The following ASAP1 variants were observed in gnomAD, a reference collection of about 807,000 sequenced individuals.
ASAP1 encodes the protein ArfGAP with SH3 domain, ankyrin repeat and PH domain 1, also known as arf-GAP with SH3 domain, ANK repeat and PH domain-containing protein 1.
ASAP1 carries 43 observed loss-of-function variants against 145.2 expected under a neutral mutation model. That is an observed-to-expected ratio of 0.30 (90% CI 0.23 to 0.38). ASAP1 has a LOEUF of 0.38. Among genes scored for constraint, ASAP1 ranks in the 10% least tolerant of loss-of-function variants. The pLI is 1.00. For missense variants in ASAP1, 1,018 were observed against 1,355.3 expected, an observed-to-expected ratio of 0.75 and a Z score of 3.91; for synonymous variants, 546 against 515.5, an observed-to-expected ratio of 1.06 and a Z score of -0.80.
intron 27 of ASAP1, among the ~76,000 whole-genome samples, chr8:130,072,627 T>G (rs2097449443): frequency 6.6e-6 from 1 of 151,538 alleles, no homozygotes; most frequent in African/African-American, 2.4e-5. Flanking sequence ...TACACATTTC[T>G]TTATCTGTAT....
chr8:130,234,985 G>A (rs1565119598), intron 4 of ASAP1, among the ~76,000 whole-genome samples: 1 of 152,118 alleles, frequency 6.6e-6, no homozygotes, highest in Admixed American at 6.6e-5. Context: ...CTATGTGGCA[G>A]GCAGTGTATT....
intron 1 of ASAP1, among the ~76,000 whole-genome samples, chr8:130,430,553 G>A (rs775544691): frequency 1.3e-5 from 2 of 152,204 alleles, no homozygotes; most frequent in East Asian, 1.9e-4. Context: ...TGGGGATGGA[G>A]ACTGAAGCTT....
intron 3 of ASAP1, among the ~76,000 whole-genome samples, chr8:130,297,731 C>T (rs572527247): frequency 9.9e-5 from 15 of 152,190 alleles, no homozygotes; most frequent in African/African-American, 3.1e-4. Context: ...AGCGGGGGGG[C>T]GGGGAGCAGA....
At chr8:130,066,843 C>T (rs1302515859) in intron 27 of ASAP1, among the ~76,000 whole-genome samples, 2 of 152,294 alleles carry the variant, frequency 1.3e-5, no homozygotes, top group Non-Finnish European at 2.9e-5. Flanking sequence ...AGACTGAGGG[C>T]CACTGCCCCC....
At chr8:130,129,548 T>C (rs1025989804) in intron 15 of ASAP1, among the ~76,000 whole-genome samples, 4 of 152,230 alleles carry the variant, frequency 2.6e-5, no homozygotes, top group Non-Finnish European at 5.9e-5. Flanking sequence ...TGTTACTATA[T>C]AGACAGCTAA....
At chr8:130,191,956 A>G (rs955756864) in intron 5 of ASAP1, among the ~76,000 whole-genome samples, 4 of 151,014 alleles carry the variant, frequency 2.6e-5, no homozygotes, top group Non-Finnish European at 5.9e-5. Flanking sequence ...CTACCTCTTT[A>G]CTCTCCCTGA....
At chr8:130,401,354 C>T (rs34737610) in intron 2 of ASAP1, among the ~76,000 whole-genome samples, 49,144 of 151,744 alleles carry the variant, frequency 0.32, 8,736 homozygotes, top group African/African-American at 0.46. Flanking sequence ...CAAGCAATTC[C>T]ACTGCCTCAA....
At chr8:130,336,171 GAATA>G (rs535710498) in intron 3 of ASAP1, among the ~76,000 whole-genome samples, 15 of 152,326 alleles carry the variant, frequency 9.8e-5, no homozygotes, top group African/African-American at 3.6e-4. Flanking sequence ...AATGTTTGCT[GAATA>G]AATTCAGTGA....
chr8:130,111,161 A>G lies in ASAP1; in HGVS notation c.2401+933T>C, dbSNP rs1384469750. On this transcript the variant is annotated intron_variant, in intron 24 of 29. Transcript: ENST00000518721. ...GTCAAGGTGGGAGGATCAGTTGAGT[A>G]CAGGAATTCAAGACCAGCCTGGGCA... Among the ~76,000 whole-genome samples, 3 of 144,790 alleles carry G rather than the reference A, an allele frequency of 2.1e-5. No homozygotes were observed. In the East Asian group the frequency reaches 6.8e-4, roughly 33 times the overall value. The allele number at this position is 144,790 out of a possible 152,430, so 95.0% of individuals were successfully genotyped here. A position where few individuals can be genotyped will look rare whatever the true frequency, so the allele number is the denominator to read the frequency against.
At chr8:130,299,016 T>A (rs1198920094) in intron 3 of ASAP1, among the ~76,000 whole-genome samples, 1 of 152,074 alleles carries the variant, frequency 6.6e-6, no homozygotes, top group Non-Finnish European at 1.5e-5. Flanking sequence ...TAAACAAACA[T>A]CCTTATTAAC....
intron 18 of ASAP1, among the ~76,000 whole-genome samples, chr8:130,122,783 A>C (rs1163246673): frequency 6.6e-6 from 1 of 152,230 alleles, no homozygotes; most frequent in Non-Finnish European, 1.5e-5. Flanking sequence ...AGGCCAAATG[A>C]CTAGATGAGG....
chr8:130,275,616 G>C (rs570084461), intron 3 of ASAP1, among the ~76,000 whole-genome samples: 1 of 151,898 alleles, frequency 6.6e-6, no homozygotes, highest in Non-Finnish European at 1.5e-5. Context: ...TTACTGGCAG[G>C]ATGCAACTTC....
At position 130,160,551 on chromosome 8, in the gene ASAP1, A is replaced by G. The variant is rs540803338; in HGVS notation, c.910-587T>C. The stretch of plus-strand genomic sequence containing the variant: ...TTCTACAGCAGTGAAAAGTGTTATG[A>G]TGTCGTGGAGGGTGACAAGGGCCAA... On this transcript the variant is annotated intron_variant, in intron 11 of 29. Coordinates refer to ENST00000518721, the MANE Select transcript of ASAP1 (RefSeq NM_018482.4). Among the ~76,000 whole-genome samples the G allele has an allele frequency of 5.1e-4, 78 of 152,270 alleles. 1 individual carries two copies. The Middle Eastern group carries it at 0.01, about 20-fold the overall frequency.
At chr8:130,107,361 A>G (rs2097538718) in intron 24 of ASAP1, among the ~76,000 whole-genome samples, 2 of 150,616 alleles carry the variant, frequency 1.3e-5, no homozygotes, top group Admixed American at 6.6e-5. Flanking sequence ...TTTTGTTTGT[A>G]TTTTTAGTAG....
At chr8:130,072,832 G>GTGTGTGTGTGTGTGT (rs61663506) in intron 27 of ASAP1, among the ~76,000 whole-genome samples, 7 of 11,732 alleles carry the variant, frequency 6.0e-4, no homozygotes, top group African/African-American at 2.8e-3. Context: ...TGTGCGCGCG[G>GTGTGTGTGTGTGTGT]GGGGGGGCAG....
chr8:130,113,906 C>G (rs147229567), intron 23 of ASAP1, among the ~76,000 whole-genome samples: 1 of 152,032 alleles, frequency 6.6e-6, no homozygotes, highest in African/African-American at 2.4e-5. Flanking sequence ...CTCTGCCTCC[C>G]GGGCAGCTGG....
At chr8:130,057,133 G>A (rs1055773132) in intron 29 of ASAP1, among the ~76,000 whole-genome samples, 2 of 152,206 alleles carry the variant, frequency 1.3e-5, no homozygotes, top group African/African-American at 4.8e-5. Context: ...AGAAAGAACT[G>A]CAGACTGGAT....
intron 1 of ASAP1, among the ~76,000 whole-genome samples, chr8:130,427,008 G>A (rs1029326989): frequency 1.2e-4 from 18 of 152,162 alleles, no homozygotes; most frequent in African/African-American, 4.3e-4. Flanking sequence ...AAATATGCAT[G>A]GAATAAATAT....
intron 4 of ASAP1, among the ~76,000 whole-genome samples, chr8:130,218,708 A>G (rs1565101731): frequency 1.3e-5 from 2 of 152,154 alleles, no homozygotes; most frequent in Non-Finnish European, 2.9e-5. Context: ...CTAGTTCTGC[A>G]AGGGAAGAAT....
Sources: allele counts gnomAD v4.1 joint callset (sites outside exome capture counted in the v4.1 genomes callset), GRCh38; gene constraint gnomAD v4.1.1; transcripts MANE v1.5; gene names NCBI Gene and HGNC (gene_info 2026-07-23, HGNC 2026-07-21).